The following TMEM178B variants were observed in gnomAD, a reference collection of about 807,000 sequenced individuals.
The protein encoded by TMEM178B is transmembrane protein 178B.
Under a neutral mutation model 31.0 loss-of-function variants are expected in TMEM178B, and 5 were observed. That is an observed-to-expected ratio of 0.16 (90% confidence interval 0.08 to 0.34). The LOEUF (loss-of-function observed/expected upper bound fraction) is 0.34. Ranked by LOEUF, TMEM178B falls within the 10% of genes least tolerant of loss-of-function variation. The pLI, the probability that TMEM178B is intolerant of heterozygous loss-of-function variation, is 1.00. For synonymous variants in TMEM178B, 164 were observed against 164.0 expected (o/e 1.00, Z 0.00); for missense variants, 275 against 400.3 (o/e 0.69, Z 2.67).
In TMEM178B at chr7:141,461,052, A is replaced by C. The variant is rs1466923177; in HGVS notation, c.635-9484A>C. ...GAGCTAAATGCGGCTGAAGCATTTA[A>C]TCTAAGCAAAGGCAGGGTTTTGTAT... On this transcript the variant is annotated intron_variant, in intron 3 of 3. Transcript: ENST00000565468. This position sits in a 1 kb window ranked among gnomAD's most constrained non-coding sequence, Gnocchi z 4.0. 6.6e-6 allele frequency among the ~76,000 whole-genome samples: 1 copy of C among 152,236 alleles called. No individual in the cohort carries two copies. Among genetic ancestry groups the C allele is most frequent in the African/African-American group, 2.4e-5 (1 of 41,464 alleles).
chr7:141,193,562 T>G (rs75916988), intron 1 of TMEM178B, among the ~76,000 whole-genome samples: 2 of 152,198 alleles, frequency 1.3e-5, no homozygotes, highest in Non-Finnish European at 2.9e-5. Context: ...AGAGTGGCTG[T>G]TGGACTGTGC....
intron 1 of TMEM178B, among the ~76,000 whole-genome samples, chr7:141,094,580 C>T (rs1052936481): frequency 3.3e-5 from 5 of 152,156 alleles, no homozygotes; most frequent in Admixed American, 6.5e-5. Flanking sequence ...GAATGTGACA[C>T]GCTGTGTCTT....
At chr7:141,352,377 ATT>A (rs5888001) in intron 2 of TMEM178B, 143 of 132,186 alleles carry the variant, frequency 1.1e-3, no homozygotes, top group East Asian at 2.9e-3. Context: ...GGAGTCCACT[ATT>A]TTTTTTTTTT....
chr7:141,478,992 G>A lies in TMEM178B; in HGVS notation c.*8206G>A, dbSNP rs1198573260. 6.6e-6 allele frequency: 1 copy of A among 152,242 alleles called. No homozygotes were observed. The highest frequency in any genetic ancestry group is 2.4e-5 in the African/African-American group (1 of 41,442). The allele number at this position is 152,242 out of a possible 1,614,324, so 9.4% of individuals were successfully genotyped here. On this transcript the variant is annotated 3_prime_UTR_variant, in exon 4 of 4. Transcript: ENST00000565468. ...AGCCTCTGGAAGTTCTGCTTCACCT[G>A]CTTAGTAAGAGGAGATGACCACTCC...
intron 2 of TMEM178B, among the ~76,000 whole-genome samples, chr7:141,330,429 T>C (rs6961045): frequency 0.094 from 14,310 of 152,220 alleles, 1,453 homozygotes; most frequent in African/African-American, 0.26. Flanking sequence ...TCCGGCTCCA[T>C]CCATGTTCCT....
At chr7:141,332,981 T>C (rs1281134220) in intron 2 of TMEM178B, among the ~76,000 whole-genome samples, 2 of 152,060 alleles carry the variant, frequency 1.3e-5, no homozygotes, top group African/African-American at 4.8e-5. Context: ...AGCGGAAGAG[T>C]TGGCCCATCC....
chr7:141,317,067 C>CT (rs141545060), intron 2 of TMEM178B, among the ~76,000 whole-genome samples: 1 of 151,948 alleles, frequency 6.6e-6, no homozygotes. Context: ...TAAATATTTC[C>CT]TTTTTTTTCC....
chr7:141,407,215 G>C (rs189372743), intron 2 of TMEM178B, among the ~76,000 whole-genome samples: 2 of 152,334 alleles, frequency 1.3e-5, no homozygotes, highest in South Asian at 2.1e-4. Context: ...GCTCTGAGCT[G>C]TTGACGCTCT....
chr7:141,196,991 C>A (rs780763446), intron 1 of TMEM178B, among the ~76,000 whole-genome samples: 1 of 152,152 alleles, frequency 6.6e-6, no homozygotes, highest in Admixed American at 6.5e-5. Flanking sequence ...CAGAAGAAGA[C>A]AGGATGATAG....
intron 2 of TMEM178B, chr7:141,430,267 C>T (rs1801399117): frequency 6.6e-6 from 1 of 152,170 alleles, no homozygotes; most frequent in Non-Finnish European, 1.5e-5. Context: ...GGGCATATCC[C>T]AACATGTTAC....
chr7:141,502,110 T>G, the TMEM178B span, among the ~76,000 whole-genome samples: 1 of 151,962 alleles, frequency 6.6e-6, no homozygotes. Flanking sequence ...CTTCATCTGT[T>G]ATCCCCTTTC....
intron 2 of TMEM178B, among the ~76,000 whole-genome samples, chr7:141,257,061 A>G (rs1302440773): frequency 6.6e-6 from 1 of 152,216 alleles, no homozygotes; most frequent in Admixed American, 6.5e-5. Context: ...GTATTGAGAC[A>G]TCCCAACATA....
At chr7:141,437,911 C>T (rs1801578552) in intron 3 of TMEM178B, among the ~76,000 whole-genome samples, 166 bp downstream of exon 3, 1 of 152,174 alleles carries the variant, frequency 6.6e-6, no homozygotes, top group Non-Finnish European at 1.5e-5. Flanking sequence ...TTTAGCTCCT[C>T]ACCACTGCAC....
intron 1 of TMEM178B, among the ~76,000 whole-genome samples, chr7:141,161,058 C>T (rs543597301): frequency 9.9e-5 from 15 of 152,042 alleles, no homozygotes; most frequent in East Asian, 5.8e-4. Context: ...GGTTTCACCA[C>T]GTTGGTCAGG....
At chr7:141,416,517 T>C (rs1019480288) in intron 2 of TMEM178B, 1 of 152,330 alleles carries the variant, frequency 6.6e-6, no homozygotes, top group Admixed American at 6.5e-5. Flanking sequence ...ATAAACATCT[T>C]GCCTTAAATA....
intron 1 of TMEM178B, among the ~76,000 whole-genome samples, chr7:141,174,327 G>A (rs1796393005): frequency 6.6e-6 from 1 of 152,184 alleles, no homozygotes; most frequent in Non-Finnish European, 1.5e-5. Context: ...GTTCCATGGT[G>A]TATATGTGCC....
chr7:141,101,011 T>C (rs867025192), intron 1 of TMEM178B, among the ~76,000 whole-genome samples: 9 of 152,212 alleles, frequency 5.9e-5, no homozygotes, highest in Admixed American at 3.3e-4. Flanking sequence ...TATTTTGACT[T>C]ATGTGCCCTC....
intron 1 of TMEM178B, among the ~76,000 whole-genome samples, chr7:141,088,720 G>A (rs574579928): frequency 6.6e-6 from 1 of 152,224 alleles, no homozygotes; most frequent in African/African-American, 2.4e-5. Flanking sequence ...TGCCATAAAT[G>A]TGTTCTTTTG....
At chr7:141,141,387 C>T (rs1795765609) in intron 1 of TMEM178B, among the ~76,000 whole-genome samples, 2 of 152,096 alleles carry the variant, frequency 1.3e-5, no homozygotes, top group Admixed American at 1.3e-4. Context: ...TCCAAGGAGC[C>T]CTGGCTCCTT....
Sources: gnomAD v4.1 joint callset for allele counts (sites outside exome capture counted in the v4.1 genomes callset) on GRCh38, gnomAD v4.1.1 for gene constraint, Gnocchi (gnomAD v3.1) non-coding constraint, MANE v1.5 for transcripts, NCBI Gene and HGNC (gene_info 2026-07-23, HGNC 2026-07-21) for gene names.